Variants in VWA8 observed in about 807,000 individuals in gnomAD.
VWA8 encodes the protein von Willebrand factor A domain containing 8, also known as von Willebrand factor A domain-containing protein 8.
In VWA8, 221 loss-of-function variants were observed where a neutral mutation model predicts 241.5. The observed-to-expected ratio is 0.91, with a 90% CI of 0.82 to 1.02. The LOEUF is 1.02. VWA8 is among the 50% of genes least tolerant of loss of function. VWA8 has a pLI of 0.00. For missense variants in VWA8, 2,322 were observed against 2,328.7 expected (o/e 1.00, Z 0.06); for synonymous variants, 852 against 827.1 (o/e 1.03, Z -0.52).
intron 21 of VWA8, among the ~76,000 whole-genome samples, chr13:41,747,006 T>A (rs1015604353): frequency 2.6e-5 from 4 of 152,200 alleles, no homozygotes; most frequent in Non-Finnish European, 5.9e-5. Flanking sequence ...TGTAGCCTTG[T>A]AATATAGTTT....
intron 22 of VWA8, among the ~76,000 whole-genome samples, chr13:41,730,360 A>AATTTAATGGTT (rs1490433521): frequency 2.6e-5 from 4 of 152,160 alleles, no homozygotes; most frequent in African/African-American, 9.7e-5. Flanking sequence ...AATGGGATGC[A>AATTTAATGGTT]ATTTAATGGT....
intron 2 of VWA8, among the ~76,000 whole-genome samples, chr13:41,937,580 T>C (rs1044842151): frequency 1.3e-5 from 2 of 152,206 alleles, no homozygotes; most frequent in Non-Finnish European, 2.9e-5. Flanking sequence ...CTTTGCTCGC[T>C]TGCCTGCTGC....
intron 9 of VWA8, among the ~76,000 whole-genome samples, chr13:41,870,364 C>A (rs114870013): frequency 0.018 from 2,732 of 152,108 alleles, 89 homozygotes; most frequent in African/African-American, 0.061. Context: ...AATGGCTGGG[C>A]GCAAAGGCTA....
intron 14 of VWA8, among the ~76,000 whole-genome samples, chr13:41,821,031 A>G (rs1386580546): frequency 6.6e-6 from 1 of 152,230 alleles, no homozygotes. Context: ...GGGAATAAAC[A>G]AAGTCAAAAT....
chr13:41,646,366 G>A (rs368539380), intron 37 of VWA8, among the ~76,000 whole-genome samples: 17 of 152,264 alleles, frequency 1.1e-4, no homozygotes, highest in Middle Eastern at 3.4e-3. Context: ...GATGAGTGAC[G>A]ACCACGTGCC....
chr13:41,573,486 A>AATAAATAAATAAATATAT (rs1555303591), intron 43 of VWA8, among the ~76,000 whole-genome samples: 10 of 113,608 alleles, frequency 8.8e-5, no homozygotes, highest in African/African-American at 3.1e-4. Flanking sequence ...AAAAAAAAAA[A>AATAAATAAATAAATATAT]ATATATATAT....
intron 19 of VWA8, among the ~76,000 whole-genome samples, chr13:41,778,348 G>C (rs1486794109): frequency 6.6e-6 from 1 of 152,032 alleles, no homozygotes; most frequent in Non-Finnish European, 1.5e-5. Flanking sequence ...ATACTATGTA[G>C]AGTTGGCTTA....
chr13:41,682,609 G>A (rs916446729), intron 35 of VWA8, among the ~76,000 whole-genome samples: 1 of 152,124 alleles, frequency 6.6e-6, no homozygotes, highest in African/African-American at 2.4e-5. Context: ...TTAGCCAGAT[G>A]TGGTGGCATG....
At chr13:41,909,148 G>A (rs1362470363) in intron 3 of VWA8, among the ~76,000 whole-genome samples, 1 of 151,914 alleles carries the variant, frequency 6.6e-6, no homozygotes, top group Admixed American at 6.6e-5. Context: ...TGCTTCCCAG[G>A]TTCAAGCAAT....
chr13:41,945,901 C>G lies in VWA8; in HGVS notation c.241+4035G>C. On this transcript the variant is annotated intron_variant, in intron 2 of 44. Transcript: ENST00000379310. Reference sequence around the variant, plus strand: ...AACTTCGATGAAAAACATTAATTTCCACATCCCATCCAAGAAGCTCAACAA... The same window carrying G: ...AACTTCGATGAAAAACATTAATTTCGACATCCCATCCAAGAAGCTCAACAA... 1.3e-5 allele frequency among the ~76,000 whole-genome samples: 2 copies of G among 151,752 alleles called. 1 individual carries two copies. Among genetic ancestry groups the G allele is most frequent in the Non-Finnish European group, 2.9e-5 (2 of 67,916 alleles).
At chr13:41,783,529 T>A (rs1868989969) in intron 19 of VWA8, among the ~76,000 whole-genome samples, 1 of 151,526 alleles carries the variant, frequency 6.6e-6, no homozygotes, top group Non-Finnish European at 1.5e-5. Context: ...TCTCAGCTAC[T>A]CGGGAGGCTG....
chr13:41,671,805 T>A (rs1215790793), intron 36 of VWA8, among the ~76,000 whole-genome samples: 1 of 152,198 alleles, frequency 6.6e-6, no homozygotes, highest in Non-Finnish European at 1.5e-5. Context: ...CACTAGGAAC[T>A]GAATTGGCTG....
chr13:41,708,719 T>C (rs1315471230), intron 26 of VWA8, among the ~76,000 whole-genome samples: 4 of 152,210 alleles, frequency 2.6e-5, no homozygotes, highest in Non-Finnish European at 4.4e-5. Context: ...AATCTAGATG[T>C]ATGAGATGGA....
intron 37 of VWA8, among the ~76,000 whole-genome samples, chr13:41,670,266 T>C (rs543866073): frequency 2.0e-5 from 3 of 151,974 alleles, no homozygotes; most frequent in South Asian, 2.1e-4. Context: ...CTTTATTATA[T>C]GCTTTAGTAT....
At chr13:41,581,410 T>C (rs958997916) in intron 42 of VWA8, among the ~76,000 whole-genome samples, 5 of 152,240 alleles carry the variant, frequency 3.3e-5, no homozygotes, top group South Asian at 4.1e-4. Context: ...CCTAACACAA[T>C]GGCTTTCTAA....
chr13:41,885,872 A>T, intron 8 of VWA8, 48 bp downstream of exon 8: 1 of 1,384,742 alleles, frequency 7.2e-7, no homozygotes, highest in Non-Finnish European at 9.9e-7. Context: ...TAACTTTCAA[A>T]ATTTTTAACA....
At chr13:41,711,074 A>C (rs1199503674) in intron 26 of VWA8, among the ~76,000 whole-genome samples, 1 of 152,232 alleles carries the variant, frequency 6.6e-6, no homozygotes, top group Non-Finnish European at 1.5e-5. Context: ...ACTAAGTACA[A>C]TCCTGTAACA....
rs373638942 is a variant in VWA8, at chr13:41,868,353, G to T, written c.1205C>A (p.Thr402Asn). ...VTIRIADKEV[T>N]IKVPAGTRLL... ...AAACCTGTGATTAATTACCTTAATG[G>T]TCACCTCTTTATCTGCAATCCGGAT... The change falls in exon 10 of 45, where the codon ACC (threonine) becomes AAC (asparagine). Residue 402 changes from threonine to asparagine, a missense_variant. By Grantham distance (65) the Thr-to-Asn change is moderately conservative. Coordinates refer to ENST00000379310, the MANE Select transcript of VWA8 (RefSeq NM_015058.2). 6.2e-7 allele frequency: 1 copy of T among 1,613,872 alleles called. No individual in the cohort carries two copies. The highest frequency in any genetic ancestry group is 8.5e-7 in the Non-Finnish European group (1 of 1,179,952).
rs775754763 is a variant in VWA8 at position 41,891,406 on chromosome 13, T to G, written c.651+14A>C. ...TGACAGCAAAGACAAAGCAACAGGA[T>G]TTTCTTTTCTTACTCGGAGAAGTTT... On this transcript the variant is annotated intron_variant, in intron 5 of 44. Transcript: ENST00000379310. 4.3e-6 allele frequency: 7 copies of G among 1,613,760 alleles called. No individual in the cohort carries two copies. The highest frequency in any genetic ancestry group is 4.0e-5 in the African/African-American group (3 of 74,868).
Sources: gnomAD v4.1 joint callset for allele counts (sites outside exome capture counted in the v4.1 genomes callset) on GRCh38, gnomAD v4.1.1 for gene constraint, MANE v1.5 for transcripts, NCBI Gene and HGNC (gene_info 2026-07-23, HGNC 2026-07-21) for gene names.